The following AUTS2 variants were observed in gnomAD, a reference collection of about 807,000 sequenced individuals.
AUTS2 encodes activator of transcription and developmental regulator AUTS2.
A neutral mutation model predicts 112.4 loss-of-function variants in AUTS2; 17 were observed. That is an observed-to-expected ratio of 0.15 (90% CI 0.10 to 0.23). The LOEUF is 0.23. Ranked by LOEUF, AUTS2 falls within the 10% of genes least tolerant of loss-of-function variation. AUTS2 has a pLI of 1.00. For synonymous variants in AUTS2, 751 were observed against 702.7 expected, an observed-to-expected ratio of 1.07 and a Z score of -1.09; for missense variants, 1,510 against 1,701.6, an observed-to-expected ratio of 0.89 and a Z score of 1.98.
intron 5 of AUTS2, 65 bp downstream of exon 5, chr7:70,435,846 C>T (rs776452126): frequency 6.5e-7 from 1 of 1,541,260 alleles, no homozygotes; most frequent in African/African-American, 1.4e-5. Flanking sequence ...AGTCCTCCCA[C>T]ACACAGCTGC....
intron 2 of AUTS2, among the ~76,000 whole-genome samples, chr7:69,966,274 CAT>C (rs1487830855): frequency 6.6e-6 from 1 of 152,154 alleles, no homozygotes; most frequent in East Asian, 1.9e-4. Flanking sequence ...GTGGGTCATA[CAT>C]GCTCCTGATC....
chr7:70,159,959 A>G (rs1435899816), intron 4 of AUTS2, among the ~76,000 whole-genome samples: 3 of 152,108 alleles, frequency 2.0e-5, no homozygotes, highest in African/African-American at 7.2e-5. Flanking sequence ...GGTGTTTTGC[A>G]GTCTTAAATG....
At chr7:69,970,993 CA>C (rs1212959435) in intron 2 of AUTS2, among the ~76,000 whole-genome samples, 1 of 152,060 alleles carries the variant, frequency 6.6e-6, no homozygotes, top group Non-Finnish European at 1.5e-5. Flanking sequence ...AGCAACATAG[CA>C]AGACCTCATT....
intron 5 of AUTS2, among the ~76,000 whole-genome samples, chr7:70,471,898 T>TG (rs1432982203): frequency 6.6e-6 from 1 of 151,756 alleles, no homozygotes; most frequent in African/African-American, 2.4e-5. Flanking sequence ...CATGGTAGTG[T>TG]GTGTGAGGAA....
At chr7:69,867,014 G>A (rs987742997) in intron 1 of AUTS2, among the ~76,000 whole-genome samples, 7 of 152,238 alleles carry the variant, frequency 4.6e-5, no homozygotes, top group Non-Finnish European at 1.0e-4. Flanking sequence ...AAGTAAAGAA[G>A]TCTAGGAGGC....
chr7:70,087,621 G>C (rs1050059105), intron 2 of AUTS2, among the ~76,000 whole-genome samples: 2 of 151,774 alleles, frequency 1.3e-5, no homozygotes, highest in Admixed American at 1.3e-4. Flanking sequence ...TACCCACCTC[G>C]GCCTCCCAAA....
intron 2 of AUTS2, among the ~76,000 whole-genome samples, chr7:69,984,565 A>C (rs1367704512): frequency 6.6e-6 from 1 of 151,918 alleles, no homozygotes; most frequent in African/African-American, 2.4e-5. Context: ...GTATTATCAT[A>C]TTAGCTTCAA....
intron 5 of AUTS2, among the ~76,000 whole-genome samples, chr7:70,687,431 C>T (rs1296177875): frequency 6.6e-6 from 1 of 152,128 alleles, no homozygotes; most frequent in East Asian, 1.9e-4. Flanking sequence ...ATATTAATAC[C>T]TTAATGTAGA....
At chr7:69,813,386 C>T (rs1790627721) in intron 1 of AUTS2, among the ~76,000 whole-genome samples, 1 of 152,282 alleles carries the variant, frequency 6.6e-6, no homozygotes, top group East Asian at 1.9e-4. Flanking sequence ...GAGATTCTAG[C>T]ACATTTGGAA....
intron 5 of AUTS2, among the ~76,000 whole-genome samples, chr7:70,444,380 G>C (rs1796240908): frequency 6.6e-6 from 1 of 151,540 alleles, no homozygotes; most frequent in Non-Finnish European, 1.5e-5. Context: ...GTGTGAGAGA[G>C]AGAGAGAGAG....
chr7:69,773,878 G>T (rs1584226267), intron 1 of AUTS2, among the ~76,000 whole-genome samples: 1 of 152,304 alleles, frequency 6.6e-6, no homozygotes, highest in Middle Eastern at 3.4e-3. Flanking sequence ...GGGGCTAAGG[G>T]GAATCCCGTC....
At chr7:69,689,854 T>A (rs1328168131) in intron 1 of AUTS2, among the ~76,000 whole-genome samples, 4 of 144,644 alleles carry the variant, frequency 2.8e-5, no homozygotes, top group African/African-American at 7.6e-5. Context: ...AATTTTGTAT[T>A]TTTTTTTTTT....
intron 4 of AUTS2, among the ~76,000 whole-genome samples, chr7:70,192,115 A>G (rs533668366): frequency 4.6e-5 from 7 of 152,306 alleles, no homozygotes; most frequent in Non-Finnish European, 7.4e-5. Flanking sequence ...CTCTCACTAT[A>G]AAAATGGGAC....
At chr7:70,731,946 C>T (rs1787428285) in intron 6 of AUTS2, among the ~76,000 whole-genome samples, 1 of 152,114 alleles carries the variant, frequency 6.6e-6, no homozygotes, top group South Asian at 2.1e-4. Context: ...AGTACAGCTA[C>T]CAATTGCAAT....
intron 4 of AUTS2, among the ~76,000 whole-genome samples, chr7:70,394,667 G>T (rs1794006835): frequency 6.6e-6 from 1 of 152,252 alleles, no homozygotes; most frequent in South Asian, 2.1e-4. Context: ...GGAAGGTGGG[G>T]CAAGGACTGA....
At chr7:70,207,132 A>G (rs1449850153) in intron 4 of AUTS2, among the ~76,000 whole-genome samples, 1 of 152,196 alleles carries the variant, frequency 6.6e-6, no homozygotes, top group Non-Finnish European at 1.5e-5. Flanking sequence ...TCCATCACTA[A>G]TATTTTACCA....
rs183552402 is a variant in AUTS2 at position 70,615,281 on chromosome 7, G to C, written c.691-83288G>C. Among the ~76,000 whole-genome samples, 102 of 152,288 alleles carry C rather than the reference G, an allele frequency of 6.7e-4. 4 individuals are homozygous for C. The East Asian group carries it at 0.017, about 25-fold the overall frequency. On this transcript the variant is annotated intron_variant, in intron 5 of 18. Transcript: ENST00000342771. ...GAAACACCAGTAGTCCTGGATGTGT[G>C]TGTACTTGTTAGAAATACCTGCAGG...
chr7:69,659,731 A>G (rs1320963524), intron 1 of AUTS2, among the ~76,000 whole-genome samples: 2 of 151,764 alleles, frequency 1.3e-5, no homozygotes, highest in Non-Finnish European at 2.9e-5. Context: ...TGTTTCTACT[A>G]TCCCACTTCC....
At chr7:70,491,220 A>T (rs3094899) in intron 5 of AUTS2, among the ~76,000 whole-genome samples, 62,292 of 145,080 alleles carry the variant, frequency 0.43, 14,817 homozygotes, top group African/African-American at 0.67. Context: ...ATTATCACAC[A>T]CTCTCTCTCT....
Sources: gnomAD v4.1 joint callset for allele counts (sites outside exome capture counted in the v4.1 genomes callset) on GRCh38, gnomAD v4.1.1 for gene constraint, MANE v1.5 for transcripts, NCBI Gene and HGNC (gene_info 2026-07-23, HGNC 2026-07-21) for gene names.